The following CERS4 variants were observed in gnomAD, a reference collection of about 807,000 sequenced individuals.
CERS4 encodes ceramide synthase 4.
CERS4 carries 65 observed loss-of-function variants against 51.8 expected under a neutral mutation model. That is an observed-to-expected ratio of 1.26 (90% CI 1.03 to 1.54). The LOEUF is 1.54. Ranked by LOEUF, CERS4 falls within the 40% of genes most tolerant of loss-of-function variation. The probability of loss-of-function intolerance (pLI) is 0.00; values close to 1 mark genes in which losing one functional copy is unlikely to be tolerated. For missense variants in CERS4, 563 were observed against 500.4 expected (o/e 1.13, Z -1.19); for synonymous variants, 228 against 208.4 (o/e 1.09, Z -0.81).
At chr19:8,224,190 C>T (rs1280714336) in intron 2 of CERS4, among the ~76,000 whole-genome samples, 2 of 147,832 alleles carry the variant, frequency 1.4e-5, no homozygotes, top group African/African-American at 5.0e-5. Flanking sequence ...GGGCGGATCA[C>T]GAGGTCAGGG....
chr19:8,254,444 C>A (rs1467088389), intron 3 of CERS4, 55 bp from the exon 4 acceptor site: 3 of 1,547,710 alleles, frequency 1.9e-6, no homozygotes, highest in East Asian at 2.3e-5. Context: ...CCCCCACACA[C>A]AGGCAGTCCC....
intron 2 of CERS4, among the ~76,000 whole-genome samples, chr19:8,216,203 A>T (rs2145163649): frequency 6.6e-6 from 1 of 151,812 alleles, no homozygotes; most frequent in East Asian, 2.0e-4. Context: ...ACAAGGTGAA[A>T]CCCCGTCTCT....
chr19:8,252,019 G>A (rs150373660), intron 3 of CERS4, among the ~76,000 whole-genome samples: 2,873 of 151,490 alleles, frequency 0.019, 47 homozygotes, highest in Middle Eastern at 0.045. Flanking sequence ...TTGAGTCCAG[G>A]AGTTCGAGAC....
At chr19:8,243,828 G>T (rs749560018) in intron 2 of CERS4, among the ~76,000 whole-genome samples, 14 of 151,794 alleles carry the variant, frequency 9.2e-5, no homozygotes, top group Non-Finnish European at 1.6e-4. Flanking sequence ...ACGCCCACGG[G>T]AACATTTTAG....
Position 8,261,979 on chromosome 19 carries a change from A to C in CERS4, c.1055A>C (p.Glu352Ala), listed in dbSNP as rs554420170. 2.9e-5 allele frequency: 47 copies of C among 1,601,124 alleles called. No individual in the cohort carries two copies. Among genetic ancestry groups the C allele is most frequent in the South Asian group, 1.5e-4 (13 of 89,426 alleles). ...GTAGAAGAATCAGACTCCAGTGAGGAGGCGGCGGCGGCCCAGGAACCTCTG... is the reference window on the plus strand; with the variant it reads ...GTAGAAGAATCAGACTCCAGTGAGGCGGCGGCGGCGGCCCAGGAACCTCTG... ...SDVEESDSSE[E>A]AAAAQEPLQL... Residue 352 changes from glutamate to alanine, a missense_variant, in exon 12 of 12, where the codon GAG (glutamate) becomes GCG (alanine). Glu to Ala is a moderately radical substitution (Grantham distance 107). Transcript: ENST00000251363.
chr19:8,258,541 T>C (rs1310305879), intron 10 of CERS4, among the ~76,000 whole-genome samples: 1 of 151,760 alleles, frequency 6.6e-6, no homozygotes, highest in Non-Finnish European at 1.5e-5. Flanking sequence ...AAACCCCATC[T>C]CTACTAAAAA....
chr19:8,217,728 G>A (rs1207508362), intron 2 of CERS4, among the ~76,000 whole-genome samples: 6 of 151,940 alleles, frequency 3.9e-5, no homozygotes, highest in African/African-American at 7.3e-5. Context: ...TAGTAGAGAC[G>A]GGGTTTCACC....
In CERS4 at chr19:8,254,520, C is replaced by T; in HGVS notation, c.195C>T (p.Ser65=). 6.2e-7 allele frequency: 1 copy of T among 1,613,768 alleles called. No individual in the cohort carries two copies. The highest frequency in any genetic ancestry group is 1.3e-5 in the African/African-American group (1 of 75,026). The change falls in exon 4 of 12, where the codon AGC becomes AGT. Residue 65 remains serine (S), a synonymous_variant. Transcript: ENST00000251363. ...AFERFIGLPL[S]RWLGVRDQTR... ...CCAGATTCATTGGCCTGCCCCTGAGCCGGTGGCTGGGTGTGAGGGATCAGA... is the reference window on the plus strand; with the variant it reads ...CCAGATTCATTGGCCTGCCCCTGAGTCGGTGGCTGGGTGTGAGGGATCAGA...
rs990173989 is a variant in CERS4, at chr19:8,214,920, A to AGAGGAAAGGGAGGAAGACGAGGGG, written c.-2+4064_-2+4087dup. ...GGGAGGAGGTGGGAGGGGAGGAGGAAGAGGAAAGGGAGGAAGACGAGGGGG... is the reference window on the plus strand; with the variant it reads ...GGGAGGAGGTGGGAGGGGAGGAGGAAGAGGAAAGGGAGGAAGACGAGGGGGAGGAAAGGGAGGAAGACGAGGGGG... On this transcript the variant is annotated intron_variant, in intron 2 of 11. Transcript: ENST00000251363. Among the ~76,000 whole-genome samples, 15 of 139,784 alleles carry AGAGGAAAGGGAGGAAGACGAGGGG rather than the reference A, an allele frequency of 1.1e-4. 1 individual carries two copies. Among genetic ancestry groups the AGAGGAAAGGGAGGAAGACGAGGGG allele is most frequent in the African/African-American group, 3.7e-4 (14 of 37,782 alleles). The allele number at this position is 139,784 out of a possible 152,430, so 91.7% of individuals were successfully genotyped here.
intron 2 of CERS4, among the ~76,000 whole-genome samples, chr19:8,218,169 T>C (rs1474892048): frequency 2.0e-5 from 3 of 152,120 alleles, no homozygotes; most frequent in Non-Finnish European, 4.4e-5. Flanking sequence ...TTCACCATAT[T>C]GGCCAGGCTG....
chr19:8,254,783 A>AC lies in CERS4; in HGVS notation c.291+173dup, dbSNP rs142718866. Among the ~76,000 whole-genome samples, 758 of 151,162 alleles carry AC rather than the reference A, an allele frequency of 5.0e-3. 24 individuals are homozygous for AC. The highest frequency in any genetic ancestry group is 0.042 in the Admixed American group (634 of 15,166). On this transcript the variant is annotated intron_variant, in intron 4 of 11. Transcript: ENST00000251363. ...CCTCAATTCCCTGGGAAAGGGCTCTACCCCCCAGCCTCCCTGGGAAACGAC... is the reference window on the plus strand; with the variant it reads ...CCTCAATTCCCTGGGAAAGGGCTCTACCCCCCCAGCCTCCCTGGGAAACGAC...
chr19:8,243,850 C>T (rs1023302996), intron 2 of CERS4, among the ~76,000 whole-genome samples: 3 of 152,084 alleles, frequency 2.0e-5, no homozygotes, highest in African/African-American at 7.2e-5. Context: ...TGCCCTCCCC[C>T]ACACCCACAA....
chr19:8,250,918 C>T (rs1326793180), intron 2 of CERS4, 158 bp from the exon 3 acceptor site: 1 of 1,449,364 alleles, frequency 6.9e-7, no homozygotes, highest in Non-Finnish European at 9.0e-7. Context: ...TCCAAAGTCC[C>T]AGGCAAGGGG....
intron 7 of CERS4, 88 bp downstream of exon 7, chr19:8,256,374 C>CA: frequency 7.0e-7 from 1 of 1,418,760 alleles, no homozygotes; most frequent in Non-Finnish European, 9.8e-7. Context: ...CGAACCCTGA[C>CA]ACTACACTGT....
intron 2 of CERS4, among the ~76,000 whole-genome samples, chr19:8,229,100 C>A (rs1045272757): frequency 2.3e-4 from 35 of 151,430 alleles, no homozygotes; most frequent in African/African-American, 8.0e-4. Flanking sequence ...CTGAGGCAGG[C>A]GGATCCCCTG....
At chr19:8,256,197 T>G in intron 6 of CERS4, 39 bp from the exon 7 acceptor site, 2 of 1,594,448 alleles carry the variant, frequency 1.3e-6, no homozygotes, top group Non-Finnish European at 1.7e-6. Context: ...GGAGGTTGGA[T>G]TCTCACCTCT....
At chr19:8,217,252 G>T (rs1039784252) in intron 2 of CERS4, among the ~76,000 whole-genome samples, 1 of 152,102 alleles carries the variant, frequency 6.6e-6, no homozygotes, top group Admixed American at 6.6e-5. Flanking sequence ...CTTGTTTACT[G>T]CCCTCCCAGA....
At chr19:8,220,668 GC>G (rs1391539976) in intron 2 of CERS4, among the ~76,000 whole-genome samples, 1 of 152,144 alleles carries the variant, frequency 6.6e-6, no homozygotes, top group Non-Finnish European at 1.5e-5. Flanking sequence ...CAAGAGGCCA[GC>G]CAGCCTCTGA....
In CERS4 at chr19:8,254,623, G is replaced by GC. The variant is rs776610565; in HGVS notation, c.291+13dup. 856 of 1,598,256 alleles carry GC rather than the reference G, an allele frequency of 5.4e-4. No homozygotes were observed. Among genetic ancestry groups the GC allele is most frequent in the Non-Finnish European group, 6.7e-4 (787 of 1,172,736 alleles). ...AGGGCACAGGCCCAAGGAGGTGAGA[G>GC]CCCCCCATGCCCTCCGACCCGCACT... is the stretch of plus-strand genomic sequence containing the variant. On this transcript the variant is annotated splice_region_variant and intron_variant, in intron 4 of 11. Coordinates refer to ENST00000251363, the MANE Select transcript of CERS4 (RefSeq NM_024552.3).
Sources: gnomAD v4.1 joint callset for allele counts (sites outside exome capture counted in the v4.1 genomes callset) on GRCh38, gnomAD v4.1.1 for gene constraint, MANE v1.5 for transcripts, NCBI Gene and HGNC (gene_info 2026-07-23, HGNC 2026-07-21) for gene names.